The following PRKCE variants were observed in gnomAD, a reference collection of about 807,000 sequenced individuals.
PRKCE encodes protein kinase C epsilon.
PRKCE carries 16 observed loss-of-function variants against 85.4 expected under a neutral mutation model. The observed-to-expected ratio is 0.19, with a 90% CI of 0.13 to 0.28. The LOEUF (loss-of-function observed/expected upper bound fraction) is 0.28, where lower values mean the gene tolerates loss of function less well. PRKCE is among the 10% of genes least tolerant of loss of function. The pLI is 1.00. For missense variants in PRKCE, 573 were observed against 975.2 expected, an observed-to-expected ratio of 0.59 and a Z score of 5.49; for synonymous variants, 388 against 371.5, an observed-to-expected ratio of 1.04 and a Z score of -0.51.
intron 1 of PRKCE, among the ~76,000 whole-genome samples, chr2:45,672,838 A>G (rs1175692141): frequency 6.6e-6 from 1 of 152,164 alleles, no homozygotes; most frequent in Non-Finnish European, 1.5e-5. Flanking sequence ...CAGCCTGGGC[A>G]ACGTAGTAAG....
intron 2 of PRKCE, among the ~76,000 whole-genome samples, chr2:45,934,580 C>T (rs1699292253): frequency 6.8e-6 from 1 of 147,032 alleles, no homozygotes; most frequent in Admixed American, 6.8e-5. Context: ...AGCCACAAGG[C>T]GGAGGCTGCA....
chr2:46,171,544 C>G (rs1187957159), intron 14 of PRKCE, among the ~76,000 whole-genome samples: 1 of 152,216 alleles, frequency 6.6e-6, no homozygotes, highest in African/African-American at 2.4e-5. Flanking sequence ...AGGGGCACAG[C>G]CTCGGGGTCA....
intron 14 of PRKCE, among the ~76,000 whole-genome samples, chr2:46,164,258 G>A (rs1285248734): frequency 2.0e-5 from 3 of 152,180 alleles, no homozygotes; most frequent in Non-Finnish European, 4.4e-5. Flanking sequence ...TCAAAGGCAA[G>A]ACACCGTGAG....
rs1197312197 is a variant in PRKCE, at chr2:46,187,841, A to G, written c.*2960A>G. The stretch of plus-strand genomic sequence containing the variant: ...TTGTATTGTGATGCTTTATTTGTAC[A>G]TTTTTTTCCTTTCTGGATGTAATTT... On this transcript the variant is annotated 3_prime_UTR_variant, in exon 15 of 15. Transcript: ENST00000306156. The G allele has an allele frequency of 6.7e-6, 1 of 149,568 alleles. No individual in the cohort carries two copies. The highest frequency in any genetic ancestry group is 2.1e-4 in the South Asian group (1 of 4,732). The allele number at this position is 149,568 out of a possible 1,614,324, so 9.3% of individuals were successfully genotyped here.
intron 11 of PRKCE, among the ~76,000 whole-genome samples, chr2:46,128,145 C>G (rs1206661051): frequency 1.3e-5 from 2 of 152,186 alleles, no homozygotes; most frequent in Non-Finnish European, 2.9e-5. Flanking sequence ...TATTCCTTAC[C>G]TGGTTCCCCC....
chr2:45,802,874 C>A (rs1222369826), intron 1 of PRKCE, among the ~76,000 whole-genome samples: 1 of 152,204 alleles, frequency 6.6e-6, no homozygotes, highest in African/African-American at 2.4e-5. Flanking sequence ...CTAGGACCAT[C>A]TTGATTATTA....
intron 2 of PRKCE, among the ~76,000 whole-genome samples, chr2:45,880,812 C>G (rs1694824236): frequency 6.6e-6 from 1 of 152,156 alleles, no homozygotes; most frequent in African/African-American, 2.4e-5. Context: ...TATCATAGAT[C>G]AGTAAGTACG....
At chr2:45,820,726 T>C (rs1275393147) in intron 1 of PRKCE, among the ~76,000 whole-genome samples, 1 of 152,190 alleles carries the variant, frequency 6.6e-6, no homozygotes, top group Non-Finnish European at 1.5e-5. Context: ...TCTTCATTTG[T>C]TGTTCTCGAT....
intron 7 of PRKCE, among the ~76,000 whole-genome samples, chr2:46,003,722 T>C (rs1704913167): frequency 6.6e-6 from 1 of 152,202 alleles, no homozygotes; most frequent in Admixed American, 6.5e-5. Flanking sequence ...AGGGGGACGT[T>C]ATGGAAGACA....
chr2:46,037,620 C>A (rs1707950111), intron 10 of PRKCE, among the ~76,000 whole-genome samples: 1 of 152,146 alleles, frequency 6.6e-6, no homozygotes, highest in South Asian at 2.1e-4. Flanking sequence ...ATTATCCAGC[C>A]TACCAATAAT....
At chr2:45,909,621 C>T (rs1478401143) in intron 2 of PRKCE, among the ~76,000 whole-genome samples, 1 of 152,210 alleles carries the variant, frequency 6.6e-6, no homozygotes, top group Admixed American at 6.5e-5. Context: ...AGGGAACAAG[C>T]TAGCAAGTGT....
At chr2:46,082,937 C>G (rs971725783) in intron 10 of PRKCE, among the ~76,000 whole-genome samples, 6 of 152,170 alleles carry the variant, frequency 3.9e-5, no homozygotes, top group African/African-American at 1.4e-4. Context: ...AAGGCAGCTT[C>G]TATTACTCAA....
rs612717 is a variant in PRKCE at position 45,697,146 on chromosome 2, A to T, written c.348+44698A>T. Among the ~76,000 whole-genome samples the T allele has an allele frequency of 0.15, 22,151 of 152,292 alleles. 1,915 individuals carry two copies. Among genetic ancestry groups the T allele is most frequent in the Middle Eastern group, 0.23 (67 of 294 alleles). Reference sequence around the variant, plus strand: ...TCTAATACTTAGGAACATGCCTCCAAATAAGATGAAATGCTCTAGTGTAGC... The same window carrying T: ...TCTAATACTTAGGAACATGCCTCCATATAAGATGAAATGCTCTAGTGTAGC... On this transcript the variant is annotated intron_variant, in intron 1 of 14. Transcript: ENST00000306156. This position sits in a 1 kb window ranked among gnomAD's most constrained non-coding sequence, Gnocchi z 4.2.
At chr2:45,807,016 C>T (rs1313539913) in intron 1 of PRKCE, among the ~76,000 whole-genome samples, 1 of 152,160 alleles carries the variant, frequency 6.6e-6, no homozygotes, top group Non-Finnish European at 1.5e-5. Context: ...CAAGAGCTTT[C>T]TGCAGGTCTG....
chr2:46,109,975 C>T (rs888327944), intron 11 of PRKCE, among the ~76,000 whole-genome samples: 1 of 152,094 alleles, frequency 6.6e-6, no homozygotes, highest in Admixed American at 6.5e-5. Context: ...TTTTTCTTCT[C>T]TAGGCTATTG....
At chr2:45,728,341 C>T (rs1032006900) in intron 1 of PRKCE, among the ~76,000 whole-genome samples, 1 of 152,076 alleles carries the variant, frequency 6.6e-6, no homozygotes, top group African/African-American at 2.4e-5. Flanking sequence ...TGCTTCATAC[C>T]TAGAAGGCCA....
intron 1 of PRKCE, among the ~76,000 whole-genome samples, chr2:45,744,466 T>G (rs1183800539): frequency 3.4e-5 from 2 of 58,084 alleles, no homozygotes; most frequent in Non-Finnish European, 6.9e-5. Context: ...TCTTTCTTTC[T>G]TTCTTTCTTT....
At chr2:45,963,532 C>G (rs1403527129) in intron 2 of PRKCE, among the ~76,000 whole-genome samples, 1 of 152,236 alleles carries the variant, frequency 6.6e-6, no homozygotes, top group Non-Finnish European at 1.5e-5. Context: ...TGGTCTAGAA[C>G]TCCTGACCTC....
chr2:46,024,010 G>C (rs1706897638), intron 10 of PRKCE, among the ~76,000 whole-genome samples: 1 of 152,222 alleles, frequency 6.6e-6, no homozygotes, highest in Non-Finnish European at 1.5e-5. Flanking sequence ...CATACAGCTG[G>C]AAGCGGCAGA....
Sources: gnomAD v4.1 joint callset for allele counts (sites outside exome capture counted in the v4.1 genomes callset) on GRCh38, gnomAD v4.1.1 for gene constraint, Gnocchi (gnomAD v3.1) non-coding constraint, MANE v1.5 for transcripts, NCBI Gene and HGNC (gene_info 2026-07-23, HGNC 2026-07-21) for gene names.